Variants in EYA1 observed in about 807,000 individuals in gnomAD.
EYA1 encodes the protein EYA transcriptional coactivator and phosphatase 1, also known as protein phosphatase EYA1.
Under a neutral mutation model 82.0 loss-of-function variants are expected in EYA1, and 16 were observed. That is an observed-to-expected ratio of 0.20 (90% CI 0.13 to 0.30). EYA1 has a LOEUF of 0.30. EYA1 is among the 10% of genes least tolerant of loss of function. The pLI is 1.00. For missense variants in EYA1, 633 were observed against 730.7 expected (o/e 0.87, Z 1.54); for synonymous variants, 261 against 264.4 (o/e 0.99, Z 0.12).
chr8:71,321,694 C>G (rs200488079), intron 6 of EYA1, 40 bp downstream of exon 6: 37 of 1,609,418 alleles, frequency 2.3e-5, no homozygotes, highest in Non-Finnish European at 3.1e-5. Context: ...ACACGCATGC[C>G]CATGCGATAA....
chr8:71,490,492 T>G (rs1024506491), intron 2 of EYA1, among the ~76,000 whole-genome samples: 1 of 152,164 alleles, frequency 6.6e-6, no homozygotes, highest in African/African-American at 2.4e-5. Flanking sequence ...AGTAGAAAAT[T>G]TGTTGTTTAT....
At chr8:71,425,104 C>CAAAAAAAAAAA (rs71264555) in intron 2 of EYA1, among the ~76,000 whole-genome samples, 631 of 74,574 alleles carry the variant, frequency 8.5e-3, no homozygotes, top group Non-Finnish European at 0.01. Context: ...ACTAAAAATA[C>CAAAAAAAAAAA]AAAAAAAAAA....
intron 12 of EYA1, among the ~76,000 whole-genome samples, chr8:71,219,124 G>A (rs73684719): frequency 0.13 from 19,709 of 152,072 alleles, 3,995 homozygotes; most frequent in African/African-American, 0.43. Flanking sequence ...CCCCATTGTT[G>A]CTATTGTTCT....
At chr8:71,299,566 C>A in intron 8 of EYA1, 72 bp downstream of exon 8, 1 of 928,250 alleles carries the variant, frequency 1.1e-6, no homozygotes, top group Non-Finnish European at 1.8e-6. Flanking sequence ...ATAAACAGAT[C>A]TTTCTTTACA....
rs748482012 is a variant in EYA1 at position 71,322,223 on chromosome 8, G to C, written c.248C>G (p.Ser83Cys). 3.1e-6 allele frequency: 5 copies of C among 1,613,914 alleles called. No individual in the cohort carries two copies. The highest frequency in any genetic ancestry group is 2.7e-5 in the African/African-American group (2 of 74,936). ...SFSPRPTHQF[S>C]PPQIYPSNRP... ...CTTGGAAGGGTAAATCTGTGGTGGAGAGAACTGGTGAGTTGGTCGTGGGCT... is the reference window on the plus strand; with the variant it reads ...CTTGGAAGGGTAAATCTGTGGTGGACAGAACTGGTGAGTTGGTCGTGGGCT... The change falls in exon 5 of 18, where the codon TCT (serine) becomes TGT (cysteine). Residue 83 changes from serine (S) to cysteine (C), a missense_variant. By Grantham distance (112) the Ser-to-Cys change is moderately radical. Transcript: ENST00000340726.
At chr8:71,484,027 C>T (rs1419362328) in intron 2 of EYA1, among the ~76,000 whole-genome samples, 1 of 152,204 alleles carries the variant, frequency 6.6e-6, no homozygotes, top group Non-Finnish European at 1.5e-5. Flanking sequence ...CAGACCTGCA[C>T]AAGCAGCTAC....
intron 17 of EYA1, among the ~76,000 whole-genome samples, chr8:71,209,018 G>T (rs1353729612): frequency 6.6e-6 from 1 of 152,196 alleles, no homozygotes; most frequent in Non-Finnish European, 1.5e-5. Flanking sequence ...CCACATTTTA[G>T]CAATTTTTGA....
Position 71,444,179 on chromosome 8 carries a change from A to G in EYA1, c.34-87668T>C, listed in dbSNP as rs2129172942. Among the ~76,000 whole-genome samples, 3 of 152,378 alleles carry G rather than the reference A, an allele frequency of 2.0e-5. 1 individual carries two copies. The East Asian group carries it at 5.8e-4, about 29-fold the overall frequency. On this transcript the variant is annotated intron_variant, in intron 2 of 18. Transcript: ENST00000643681. ...TTACTGCAACTTAGGTGACCAGTGT[A>G]CATAAAATGAGTTCTTCTCAAAGCC...
intron 16 of EYA1, among the ~76,000 whole-genome samples, chr8:71,212,456 C>G (rs936393601): frequency 6.6e-6 from 1 of 152,150 alleles, no homozygotes. Flanking sequence ...TCTCTCCTTA[C>G]GGGGAAATGC....
intron 1 of EYA1, among the ~76,000 whole-genome samples, chr8:71,539,825 TAC>T (rs915003937): frequency 1.3e-5 from 2 of 152,184 alleles, no homozygotes; most frequent in Non-Finnish European, 2.9e-5. Context: ...GAAATCAGTG[TAC>T]ACATCCTAGC....
intron 2 of EYA1, among the ~76,000 whole-genome samples, chr8:71,514,902 C>T (rs1812854682): frequency 6.6e-6 from 1 of 152,010 alleles, no homozygotes; most frequent in African/African-American, 2.4e-5. Context: ...TTTCAATGTA[C>T]AATTTTTATA....
intron 11 of EYA1, among the ~76,000 whole-genome samples, chr8:71,258,115 A>G (rs899669071): frequency 2.6e-5 from 4 of 152,246 alleles, no homozygotes; most frequent in African/African-American, 9.6e-5. Context: ...CCCTAATGAC[A>G]GACTATTATT....
At chr8:71,423,387 T>A (rs978119399) in intron 2 of EYA1, among the ~76,000 whole-genome samples, 3 of 152,216 alleles carry the variant, frequency 2.0e-5, no homozygotes, top group Admixed American at 1.3e-4. Context: ...GGATTGTTCT[T>A]GAAATATTTT....
At chr8:71,527,636 C>T (rs1263322259) in intron 2 of EYA1, among the ~76,000 whole-genome samples, 1 of 152,138 alleles carries the variant, frequency 6.6e-6, no homozygotes, top group Non-Finnish European at 1.5e-5. Flanking sequence ...GATTCCCCAG[C>T]CCCTTAAGTT....
intron 4 of EYA1, among the ~76,000 whole-genome samples, chr8:71,332,456 T>C (rs1040442767): frequency 1.3e-5 from 2 of 152,160 alleles, no homozygotes; most frequent in Admixed American, 6.5e-5. Context: ...CTTACCCCTA[T>C]ACCCATTGGT....
At chr8:71,480,558 T>C (rs896783019) in intron 2 of EYA1, among the ~76,000 whole-genome samples, 1 of 151,580 alleles carries the variant, frequency 6.6e-6, no homozygotes, top group East Asian at 1.9e-4. Flanking sequence ...ATTTACCTTC[T>C]AAAGTGAAAA....
At chr8:71,344,607 C>T (rs1417044470) in intron 3 of EYA1, among the ~76,000 whole-genome samples, 1 of 152,120 alleles carries the variant, frequency 6.6e-6, no homozygotes, top group African/African-American at 2.4e-5. Flanking sequence ...TGTAAATCAG[C>T]CAAAAAGCCC....
In EYA1 at chr8:71,215,714, C is replaced by G; in HGVS notation, c.1375G>C (p.Ala459Pro). ...AACTGCAGCCAGGCTTCCCTCTTAG[C>G]TGGACCAAGCAGACCTGAGGATTTA... is the stretch of plus-strand genomic sequence containing the variant. ...KNNVGGLLGP[A>P]KREAWLQLRA... The change falls in exon 15 of 18, where the codon GCT becomes CCT. Residue 459 changes from alanine to proline, a missense_variant. By Grantham distance (27) the Ala-to-Pro change is conservative (BLOSUM62 -1). Transcript: ENST00000340726. 6.2e-7 allele frequency: 1 copy of G among 1,613,518 alleles called. No individual in the cohort carries two copies. The highest frequency in any genetic ancestry group is 1.1e-5 in the South Asian group (1 of 91,068).
At chr8:71,326,433 C>G (rs777176227) in intron 4 of EYA1, among the ~76,000 whole-genome samples, 13 of 150,874 alleles carry the variant, frequency 8.6e-5, no homozygotes, top group Non-Finnish European at 1.6e-4. Context: ...TCACTCTGTT[C>G]CAGTCACCAA....
Sources: gnomAD v4.1 joint callset for allele counts (sites outside exome capture counted in the v4.1 genomes callset) on GRCh38, gnomAD v4.1.1 for gene constraint, MANE v1.5 for transcripts, NCBI Gene and HGNC (gene_info 2026-07-23, HGNC 2026-07-21) for gene names.